The following JMY variants were observed in gnomAD, a reference collection of about 807,000 sequenced individuals.
JMY encodes the protein junction-mediating and -regulatory protein.
JMY carries 46 observed loss-of-function variants against 103.3 expected under a neutral mutation model. That is an observed-to-expected ratio of 0.45 (90% CI 0.35 to 0.57). The LOEUF (loss-of-function observed/expected upper bound fraction) is 0.57. Ranked by LOEUF, JMY falls within the 20% of genes least tolerant of loss-of-function variation. JMY has a pLI of 0.00. For missense variants in JMY, 1,238 were observed against 1,255.2 expected, an observed-to-expected ratio of 0.99 and a Z score of 0.21; for synonymous variants, 526 against 489.3, an observed-to-expected ratio of 1.07 and a Z score of -0.99.
intron 1 of JMY, among the ~76,000 whole-genome samples, chr5:79,271,884 G>A (rs113017737): frequency 5.3e-5 from 8 of 152,188 alleles, no homozygotes; most frequent in East Asian, 1.9e-4. Context: ...CGAGGCAGGC[G>A]GATTATCTGA....
rs28557320 is a variant in JMY, at chr5:79,270,498, A to G, written c.1033-7412A>G. Among the ~76,000 whole-genome samples the G allele has an allele frequency of 2.2e-3, 178 of 80,406 alleles. 17 individuals carry two copies. The highest frequency in any genetic ancestry group is 0.016 in the East Asian group (59 of 3,584). The allele number at this position is 80,406 out of a possible 152,430, so 52.7% of individuals were successfully genotyped here. A position where few individuals can be genotyped will look rare whatever the true frequency, so the allele number is the denominator to read the frequency against. The stretch of plus-strand genomic sequence containing the variant: ...ATTTACATAAATATTTACATAAAAT[A>G]TATATTTACATAAATATTTAAAATA... On this transcript the variant is annotated intron_variant, in intron 1 of 10. Transcript: ENST00000396137.
chr5:79,314,534 C>G lies in JMY; in HGVS notation c.2342C>G (p.Pro781Arg), dbSNP rs1747145994. Residue 781 changes from proline (P) to arginine (R), a missense_variant, in exon 9 of 11, where the codon CCT becomes CGT. Transcript: ENST00000396137. ...LPLSGVTSEL[P>R]PTISLPLLNN... ...CTCAGTGGTGTTACCTCTGAACTGCCTCCCACTATATCTCTTCCACTTTTG... is the reference window on the plus strand; with the variant it reads ...CTCAGTGGTGTTACCTCTGAACTGCGTCCCACTATATCTCTTCCACTTTTG... 1 of 1,614,128 alleles carries G rather than the reference C, an allele frequency of 6.2e-7. No individual in the cohort carries two copies. Among genetic ancestry groups the G allele is most frequent in the South Asian group, 1.1e-5 (1 of 91,072 alleles).
At chr5:79,310,354 C>T (rs953458435) in intron 7 of JMY, among the ~76,000 whole-genome samples, 73 of 152,192 alleles carry the variant, frequency 4.8e-4, no homozygotes, top group African/African-American at 1.6e-3. Context: ...AGCCACCACT[C>T]CTGGCCAAGA....
intron 7 of JMY, among the ~76,000 whole-genome samples, chr5:79,309,302 A>G (rs933790940): frequency 5.9e-5 from 9 of 152,184 alleles, no homozygotes; most frequent in African/African-American, 2.2e-4. Flanking sequence ...GTTCTTTATC[A>G]AGTAGAGGAA....
chr5:79,243,263 A>G (rs2112043293), intron 1 of JMY, among the ~76,000 whole-genome samples: 1 of 151,636 alleles, frequency 6.6e-6, no homozygotes, highest in Non-Finnish European at 1.5e-5. Context: ...AACTTTTCTA[A>G]TTTTCTTGAA....
chr5:79,314,259 G>A lies in JMY; in HGVS notation c.2067G>A (p.Arg689=). ...TCCAATAACTTCTGGTATTTTAGAG[G>A]TATCCTGGGCAAGTCATACTTAAAT... ...TLDRLRTFKQ[R]YPGQVILKST... The change falls in exon 9 of 11, where the codon AGG becomes AGA. Residue 689 remains arginine (R), a splice_region_variant and synonymous_variant. Transcript: ENST00000396137. 1.9e-6 allele frequency: 3 copies of A among 1,602,772 alleles called. No individual in the cohort carries two copies. The highest frequency in any genetic ancestry group is 2.6e-6 in the Non-Finnish European group (3 of 1,175,306).
At chr5:79,244,031 T>C (rs1744819025) in intron 1 of JMY, among the ~76,000 whole-genome samples, 1 of 151,538 alleles carries the variant, frequency 6.6e-6, no homozygotes, top group Admixed American at 6.6e-5. Context: ...GAGACAGGCT[T>C]GCTCTGTCAC....
chr5:79,305,405 A>C (rs925598770), intron 6 of JMY, among the ~76,000 whole-genome samples: 1 of 152,000 alleles, frequency 6.6e-6, no homozygotes, highest in African/African-American at 2.4e-5. Context: ...TAAGCCAGAG[A>C]TCATGCCACC....
chr5:79,254,834 CT>C (rs373774557), intron 1 of JMY, among the ~76,000 whole-genome samples: 302 of 148,436 alleles, frequency 2.0e-3, no homozygotes, highest in African/African-American at 5.6e-3. Flanking sequence ...ATTGTTTTCT[CT>C]TTTTTTTTTC....
At chr5:79,318,922 T>G (rs1191099397) in intron 10 of JMY, among the ~76,000 whole-genome samples, 1 of 152,200 alleles carries the variant, frequency 6.6e-6, no homozygotes, top group African/African-American at 2.4e-5. Context: ...ATGTGTTGTT[T>G]CCTTCTGCTG....
intron 1 of JMY, among the ~76,000 whole-genome samples, chr5:79,271,362 G>T (rs1233863863): frequency 1.3e-5 from 2 of 152,052 alleles, no homozygotes; most frequent in African/African-American, 4.8e-5. Flanking sequence ...GTGTTTGTCT[G>T]TTTTTGCTGT....
intron 2 of JMY, among the ~76,000 whole-genome samples, chr5:79,279,155 G>A (rs1212798493): frequency 6.6e-6 from 1 of 152,062 alleles, no homozygotes; most frequent in African/African-American, 2.4e-5. Context: ...TCAACATGGT[G>A]AAAACCCATC....
rs897165507 is a variant in JMY at position 79,237,441 on chromosome 5, C to G, written c.791C>G (p.Ser264Trp). 4 of 1,613,818 alleles carry G rather than the reference C, an allele frequency of 2.5e-6. No individual in the cohort carries two copies. The highest frequency in any genetic ancestry group is 3.4e-6 in the Non-Finnish European group (4 of 1,180,016). Residue 264 changes from serine to tryptophan, a missense_variant, in exon 1 of 11, where the codon TCG becomes TGG. By Grantham distance (177) the Ser-to-Trp change is radical. Transcript: ENST00000396137. ...CTGCCGGTGTTCCCCGAGGAACCTT[C>G]GGGCATGTGGACTGTGCTGTTTGGG... ...PCLPVFPEEP[S>W]GMWTVLFGGA... is the part of the protein sequence containing the mutation.
At chr5:79,294,736 T>G (rs1746519637) in intron 4 of JMY, among the ~76,000 whole-genome samples, 1 of 151,684 alleles carries the variant, frequency 6.6e-6, no homozygotes, top group African/African-American at 2.4e-5. Flanking sequence ...TGAGCACCTA[T>G]AATCCCAGCT....
At position 79,237,134 on chromosome 5, in the gene JMY, G is replaced by T. The variant is rs1002863543; in HGVS notation, c.484G>T (p.Gly162Trp). Residue 162 changes from glycine to tryptophan, a missense_variant, in exon 1 of 11, where the codon GGG becomes TGG. Physicochemically the swap from Gly to Trp is radical, Grantham distance 184. Transcript: ENST00000396137. ...QKTSEADDAA[G>W]AAAAAARPAP... ...AACATCTGAAGCCGACGATGCGGCG[G>T]GGGCAGCCGCTGCAGCAGCCCGGCC... 9 of 1,547,238 alleles carry T rather than the reference G, an allele frequency of 5.8e-6. No individual in the cohort carries two copies. The highest frequency in any genetic ancestry group is 7.0e-6 in the Non-Finnish European group (8 of 1,145,446).
chr5:79,314,171 T>C, intron 8 of JMY, 86 bp from the exon 9 acceptor site: 2 of 1,519,234 alleles, frequency 1.3e-6, no homozygotes, highest in South Asian at 2.7e-5. Context: ...ATAACATCTT[T>C]TATTTGAAGG....
In JMY at chr5:79,290,240, G is replaced by A. The variant is rs1746381349; in HGVS notation, c.1326G>A (p.Lys442=). ...AVLSIQDLTV[K]YFEITAKAQK... ...TGTCTATTCAAGATCTTACTGTCAA[G>A]TACTTTGAAATAACAGCTAAAGCTC... is the stretch of plus-strand genomic sequence containing the variant. Residue 442 remains lysine, a synonymous_variant, in exon 3 of 11, where the codon AAG becomes AAA. Coordinates refer to ENST00000396137, the MANE Select transcript of JMY (RefSeq NM_152405.5). 1.3e-6 allele frequency: 2 copies of A among 1,527,368 alleles called. No homozygotes were observed. The highest frequency in any genetic ancestry group is 1.3e-5 in the South Asian group (1 of 74,234). 94.6% of individuals were successfully genotyped at this position (1,527,368 alleles called of 1,614,324 possible).
At chr5:79,292,870 C>T (rs1481592580) in intron 4 of JMY, among the ~76,000 whole-genome samples, 2 of 152,130 alleles carry the variant, frequency 1.3e-5, no homozygotes, top group Non-Finnish European at 2.9e-5. Flanking sequence ...TTGAATTCTT[C>T]ACAGTATTTG....
At chr5:79,282,487 T>TA (rs1357741085) in intron 2 of JMY, among the ~76,000 whole-genome samples, 1 of 152,204 alleles carries the variant, frequency 6.6e-6, no homozygotes, top group Non-Finnish European at 1.5e-5. Flanking sequence ...GTGAAGAATG[T>TA]ACACACTTAT....
Sources: allele counts gnomAD v4.1 joint callset (sites outside exome capture counted in the v4.1 genomes callset), GRCh38; gene constraint gnomAD v4.1.1; transcripts MANE v1.5; gene names NCBI Gene and HGNC (gene_info 2026-07-23, HGNC 2026-07-21).